TSPEAR: variants seen among roughly 807,000 people sequenced by gnomAD.
The protein encoded by TSPEAR is thrombospondin type laminin G domain and EAR repeats, also known as thrombospondin-type laminin G domain and EAR repeat-containing protein.
Under a neutral mutation model 71.6 loss-of-function variants are expected in TSPEAR, and 69 were observed. That is an observed-to-expected ratio of 0.96 (90% confidence interval 0.79 to 1.18). The LOEUF (loss-of-function observed/expected upper bound fraction) is 1.18. Among genes scored for constraint, TSPEAR ranks in the 50% most tolerant of loss-of-function variants. The pLI, the probability that TSPEAR is intolerant of heterozygous loss-of-function variation, is 0.00. For synonymous variants in TSPEAR, 402 were observed against 387.2 expected (o/e 1.04, Z -0.45); for missense variants, 971 against 894.9 (o/e 1.09, Z -1.09).
chr21:44,703,271 G>A (rs1337937957), intron 1 of TSPEAR, among the ~76,000 whole-genome samples: 1 of 152,198 alleles, frequency 6.6e-6, no homozygotes, highest in African/African-American at 2.4e-5. Flanking sequence ...TTCCAGTGGC[G>A]CTGAGTTCCC....
chr21:44,669,027 A>G (rs890980893), intron 1 of TSPEAR, among the ~76,000 whole-genome samples: 1 of 152,254 alleles, frequency 6.6e-6, no homozygotes, highest in Non-Finnish European at 1.5e-5. Flanking sequence ...AGAAGAGTTC[A>G]TGAACTTGAA....
chr21:44,531,050 A>T lies in TSPEAR; in HGVS notation c.626T>A (p.Leu209Gln). 6.2e-7 allele frequency: 1 copy of T among 1,613,466 alleles called. No homozygotes were observed. Among genetic ancestry groups the T allele is most frequent in the Non-Finnish European group, 8.5e-7 (1 of 1,179,874 alleles). Residue 209 changes from leucine (L) to glutamine (Q), a missense_variant, in exon 4 of 12, where the codon CTG (leucine) becomes CAG (glutamine). Coordinates refer to ENST00000323084, the MANE Select transcript of TSPEAR (RefSeq NM_144991.3). ...CAGCCCCTCCATACTCGCCATGAAC[A>T]GGCCTTTGGCTCTCCTCCGGCTGCC... ...FVGSRRRAKG[L>Q]FMGLVRQLVL...
At chr21:44,646,799 G>C in intron 1 of TSPEAR, 1 of 1,613,032 alleles carries the variant, frequency 6.2e-7, no homozygotes, top group Non-Finnish European at 8.5e-7. Flanking sequence ...AAGCCTGTGT[G>C]CTGTGTGCCT....
At chr21:44,654,233 G>C in intron 1 of TSPEAR, 3 of 1,503,428 alleles carry the variant, frequency 2.0e-6, no homozygotes. Flanking sequence ...GAGCCTGCTG[G>C]CTTCTGACCT....
At chr21:44,534,003 G>A (rs992424918) in intron 2 of TSPEAR, 80 bp from the exon 3 acceptor site, 2 of 1,040,320 alleles carry the variant, frequency 1.9e-6, no homozygotes, top group Non-Finnish European at 1.4e-6. Context: ...GAATGGCAGA[G>A]GTGATGAGCA....
At chr21:44,664,832 C>A (rs1040063832) in intron 1 of TSPEAR, among the ~76,000 whole-genome samples, 9 of 152,236 alleles carry the variant, frequency 5.9e-5, no homozygotes, top group African/African-American at 2.2e-4. Context: ...CATCACAGAA[C>A]TTGGGCTCCA....
At chr21:44,707,036 G>A (rs1555952515) in intron 1 of TSPEAR, among the ~76,000 whole-genome samples, 3 of 152,372 alleles carry the variant, frequency 2.0e-5, no homozygotes, top group South Asian at 2.1e-4. Context: ...CGGAATTGGC[G>A]CCGGCATCAG....
intron 1 of TSPEAR, among the ~76,000 whole-genome samples, chr21:44,620,165 T>C (rs1452218937): frequency 2.6e-5 from 4 of 152,254 alleles, no homozygotes; most frequent in Non-Finnish European, 5.9e-5. Flanking sequence ...TTTAACATGC[T>C]GGGTTTGGGC....
intron 1 of TSPEAR, among the ~76,000 whole-genome samples, chr21:44,613,126 G>T (rs765225109): frequency 6.6e-6 from 1 of 152,144 alleles, no homozygotes; most frequent in Non-Finnish European, 1.5e-5. Flanking sequence ...CAGCTTCTCT[G>T]CTCTGGGTCA....
At position 44,593,831 on chromosome 21, in the gene TSPEAR, G is replaced by A. The variant is rs1980171857; in HGVS notation, c.83-25826C>T. Among the ~76,000 whole-genome samples the A allele has an allele frequency of 1.3e-5, 2 of 152,204 alleles. No individual in the cohort carries two copies. The highest frequency in any genetic ancestry group is 6.5e-5 in the Admixed American group (1 of 15,288). On this transcript the variant is annotated intron_variant, in intron 1 of 11. Coordinates refer to ENST00000323084, the MANE Select transcript of TSPEAR (RefSeq NM_144991.3). The surrounding 1 kb of genome is among the most constrained non-coding windows in gnomAD (Gnocchi z 5.9). The stretch of plus-strand genomic sequence containing the variant: ...TAAACACGCACTGGCCCCGCGATGA[G>A]GATGAGCAAGGTTCAAACGACTGCA...
intron 4 of TSPEAR, 128 bp downstream of exon 4, chr21:44,530,915 C>A (rs1001864756): frequency 1.3e-6 from 1 of 771,344 alleles, no homozygotes; most frequent in Non-Finnish European, 2.2e-6. Flanking sequence ...AGAGACTCCA[C>A]GCACGCTGTA....
At chr21:44,705,696 G>A (rs913858100) in intron 1 of TSPEAR, among the ~76,000 whole-genome samples, 1 of 152,168 alleles carries the variant, frequency 6.6e-6, no homozygotes, top group Non-Finnish European at 1.5e-5. Flanking sequence ...GGTCAGACCG[G>A]TTGATCTCAA....
intron 1 of TSPEAR, chr21:44,638,126 C>A (rs77109703): frequency 6.2e-7 from 1 of 1,608,576 alleles, no homozygotes; most frequent in Admixed American, 1.7e-5. Context: ...CGTGTGCTCC[C>A]GCCCTGCCTG....
At chr21:44,550,643 G>A in intron 2 of TSPEAR, 1 of 1,600,230 alleles carries the variant, frequency 6.2e-7, no homozygotes, top group South Asian at 1.1e-5. Flanking sequence ...TCCAAGGACT[G>A]GCAGGGAGGT....
At chr21:44,551,541 A>T in intron 2 of TSPEAR, 2 of 1,527,246 alleles carry the variant, frequency 1.3e-6, no homozygotes, top group Non-Finnish European at 1.8e-6. Flanking sequence ...TGTGTGTGTG[A>T]GCCTGTTGGC....
chr21:44,609,489 A>T (rs79443780), intron 1 of TSPEAR, among the ~76,000 whole-genome samples: 26 of 152,254 alleles, frequency 1.7e-4, no homozygotes, highest in African/African-American at 6.0e-4. Flanking sequence ...AGAGAGATGA[A>T]TGAAAATCCA....
intron 1 of TSPEAR, among the ~76,000 whole-genome samples, chr21:44,640,283 G>A (rs35670444): frequency 0.013 from 1,927 of 152,358 alleles, 45 homozygotes; most frequent in African/African-American, 0.044. Context: ...AAAGCATGAT[G>A]CTCAGCGAGT....
chr21:44,682,964 A>G (rs1174991267), intron 1 of TSPEAR, among the ~76,000 whole-genome samples: 1 of 152,172 alleles, frequency 6.6e-6, no homozygotes, highest in African/African-American at 2.4e-5. Flanking sequence ...GTGCATTCCC[A>G]GGGCAAGGCA....
intron 1 of TSPEAR, among the ~76,000 whole-genome samples, chr21:44,688,238 C>T (rs1012012021): frequency 1.3e-5 from 2 of 152,072 alleles, no homozygotes; most frequent in African/African-American, 2.4e-5. Flanking sequence ...GGGAGAATAA[C>T]GGTGGATCGC....
Sources: allele counts gnomAD v4.1 joint callset (sites outside exome capture counted in the v4.1 genomes callset), GRCh38; gene constraint gnomAD v4.1.1; non-coding constraint Gnocchi (gnomAD v3.1); transcripts MANE v1.5; gene names NCBI Gene and HGNC (gene_info 2026-07-23, HGNC 2026-07-21).